The following ANKIB1 variants were observed in gnomAD, a reference collection of about 807,000 sequenced individuals.
The protein encoded by ANKIB1 is ankyrin repeat and IBR domain containing 1.
A neutral mutation model predicts 122.1 loss-of-function variants in ANKIB1; 43 were observed. The observed-to-expected ratio is 0.35, with a 90% CI of 0.28 to 0.45. The LOEUF (loss-of-function observed/expected upper bound fraction) is 0.45. Ranked by LOEUF, ANKIB1 falls within the 20% of genes least tolerant of loss-of-function variation. ANKIB1 has a pLI of 1.00. For synonymous variants in ANKIB1, 390 were observed against 442.0 expected, an observed-to-expected ratio of 0.88 and a Z score of 1.48; for missense variants, 992 against 1,329.5, an observed-to-expected ratio of 0.75 and a Z score of 3.95.
At chr7:92,287,762 G>A (rs913967980) in intron 1 of ANKIB1, among the ~76,000 whole-genome samples, 2 of 152,054 alleles carry the variant, frequency 1.3e-5, no homozygotes, top group African/African-American at 2.4e-5. Flanking sequence ...AAGGCCAGGC[G>A]TGGTGGCTCA....
At chr7:92,255,911 A>G (rs1238683141) in intron 1 of ANKIB1, among the ~76,000 whole-genome samples, 1 of 152,206 alleles carries the variant, frequency 6.6e-6, no homozygotes, top group South Asian at 2.1e-4. Context: ...TAACTATGGT[A>G]AACAAGGGGT....
chr7:92,292,460 C>A (rs1802269485), intron 1 of ANKIB1, among the ~76,000 whole-genome samples: 2 of 151,920 alleles, frequency 1.3e-5, no homozygotes. Flanking sequence ...TTCTTAGATA[C>A]AAATTATTTT....
rs1805006818 is a variant in ANKIB1 at position 92,401,346 on chromosome 7, T to C, written c.*2397T>C. The C allele has an allele frequency of 6.6e-6, 1 of 152,258 alleles. No individual in the cohort carries two copies. The highest frequency in any genetic ancestry group is 1.5e-5 in the Non-Finnish European group (1 of 68,046). The allele number at this position is 152,258 out of a possible 1,614,324, so 9.4% of individuals were successfully genotyped here. A position where few individuals can be genotyped will look rare whatever the true frequency, so the allele number is the denominator to read the frequency against. On this transcript the variant is annotated 3_prime_UTR_variant, in exon 20 of 20. Coordinates refer to ENST00000265742, the MANE Select transcript of ANKIB1 (RefSeq NM_019004.2). ...GGCCAAATGAATGCTGTTAATAATA[T>C]GTAAAATTCTTTGATTAAACATTTA...
chr7:92,357,732 C>CAAAAA (rs961949515), intron 9 of ANKIB1, among the ~76,000 whole-genome samples: 5 of 75,038 alleles, frequency 6.7e-5, no homozygotes, highest in African/African-American at 2.0e-4. Flanking sequence ...AAGACTCTCT[C>CAAAAA]AAAAAAAAAA....
intron 7 of ANKIB1, among the ~76,000 whole-genome samples, chr7:92,348,385 CTTTT>C (rs563453600): frequency 3.7e-5 from 5 of 134,454 alleles, no homozygotes; most frequent in Admixed American, 7.6e-5. Context: ...GTCTTTAAGA[CTTTT>C]TTTTTTTTTT....
intron 5 of ANKIB1, among the ~76,000 whole-genome samples, chr7:92,338,046 G>A (rs767545439): frequency 6.6e-6 from 1 of 152,062 alleles, no homozygotes; most frequent in Non-Finnish European, 1.5e-5. Context: ...TTTTGTGGGT[G>A]TAGTTTAGGC....
chr7:92,368,779 AT>A (rs1415068864), intron 10 of ANKIB1, among the ~76,000 whole-genome samples: 1 of 152,206 alleles, frequency 6.6e-6, no homozygotes, highest in Non-Finnish European at 1.5e-5. Flanking sequence ...TGTTCAGAGA[AT>A]AGGAAATAAA....
At chr7:92,348,587 C>T (rs1379744866) in intron 7 of ANKIB1, among the ~76,000 whole-genome samples, 4 of 151,970 alleles carry the variant, frequency 2.6e-5, no homozygotes, top group Admixed American at 1.3e-4. Context: ...GGTTTCACCA[C>T]GTTGGTCAGG....
rs1803591992 is a variant in ANKIB1 at position 92,348,566 on chromosome 7, A to C, written c.1086-2384A>C. ...ATGCCAAGCTAATTTTTGTATTTTT[A>C]GTAGAGATGAGGTTTCACCACGTTG... On this transcript the variant is annotated intron_variant, in intron 7 of 19. Coordinates refer to ENST00000265742, the MANE Select transcript of ANKIB1 (RefSeq NM_019004.2). Among the ~76,000 whole-genome samples, 7 of 152,126 alleles carry C rather than the reference A, an allele frequency of 4.6e-5. No homozygotes were observed. The South Asian group carries it at 1.5e-3, about 32-fold the overall frequency.
At chr7:92,308,367 GA>G (rs760143379) in intron 3 of ANKIB1, among the ~76,000 whole-genome samples, 4 of 151,982 alleles carry the variant, frequency 2.6e-5, no homozygotes, top group Non-Finnish European at 5.9e-5. Context: ...CTTTTTTGCT[GA>G]TTTTTTTGGT....
At chr7:92,270,323 A>G (rs1450374419) in intron 1 of ANKIB1, among the ~76,000 whole-genome samples, 3 of 152,008 alleles carry the variant, frequency 2.0e-5, no homozygotes, top group Non-Finnish European at 2.9e-5. Context: ...TCAGCCTCCC[A>G]AAGTGCTGGG....
rs759933131 is a variant in ANKIB1, at chr7:92,397,767, G to A, written c.2440G>A (p.Val814Met). The change falls in exon 19 of 20, where the codon GTG becomes ATG. Residue 814 changes from valine (V) to methionine (M), a missense_variant. Physicochemically the swap from Val to Met is conservative, Grantham distance 21. Around this residue, in one of 4 missense-constraint regions of ANKIB1, gnomAD observed 384 missense variants for 412.0 expected, o/e 0.93. Coordinates refer to ENST00000265742, the MANE Select transcript of ANKIB1 (RefSeq NM_019004.2). ...CAGCAGCCGCAGGCCTGGCACATCC[G>A]TGGTAAGTTCTGCATCTATGAGTGT... is the stretch of plus-strand genomic sequence containing the variant. The part of the protein sequence containing the change: ...GSSSRRPGTS[V>M]VSSASMSVLH... 21 of 1,610,952 alleles carry A rather than the reference G, an allele frequency of 1.3e-5. 1 individual carries two copies. The highest frequency in any genetic ancestry group is 3.3e-4 in the Middle Eastern group (2 of 6,072).
intron 6 of ANKIB1, among the ~76,000 whole-genome samples, chr7:92,344,097 A>G (rs919637471): frequency 5.9e-5 from 9 of 151,826 alleles, no homozygotes; most frequent in African/African-American, 2.2e-4. Flanking sequence ...TGTTTAGAAG[A>G]TACTAGGTAG....
chr7:92,358,669 A>G (rs762644696), intron 9 of ANKIB1, among the ~76,000 whole-genome samples: 6 of 151,134 alleles, frequency 4.0e-5, no homozygotes, highest in Admixed American at 3.3e-4. Context: ...TGATTCTGCC[A>G]GGAAATGGAT....
chr7:92,383,615 C>G (rs959801029), intron 11 of ANKIB1, among the ~76,000 whole-genome samples: 1 of 152,102 alleles, frequency 6.6e-6, no homozygotes, highest in African/African-American at 2.4e-5. Context: ...TAATCCATCA[C>G]ATAAACAGAA....
chr7:92,377,236 T>G (rs1208801765), intron 11 of ANKIB1, among the ~76,000 whole-genome samples: 1 of 152,068 alleles, frequency 6.6e-6, no homozygotes, highest in African/African-American at 2.4e-5. Context: ...TTAATATTGT[T>G]GTGTCTTAGG....
chr7:92,340,326 C>T (rs1008979577), intron 5 of ANKIB1, among the ~76,000 whole-genome samples: 1 of 152,132 alleles, frequency 6.6e-6, no homozygotes, highest in African/African-American at 2.4e-5. Context: ...AAAGAGAACA[C>T]GCTGTAAGCC....
chr7:92,343,565 C>T (rs888492590), intron 6 of ANKIB1, among the ~76,000 whole-genome samples: 2 of 152,132 alleles, frequency 1.3e-5, no homozygotes, highest in Non-Finnish European at 2.9e-5. Flanking sequence ...CAGTAAGTAG[C>T]TCATGCCTAT....
At chr7:92,342,270 G>T (rs951290736) in intron 5 of ANKIB1, among the ~76,000 whole-genome samples, 1 of 152,032 alleles carries the variant, frequency 6.6e-6, no homozygotes, top group East Asian at 1.9e-4. Flanking sequence ...TGATTTCTTC[G>T]CCTAAATAAT....
Sources: allele counts gnomAD v4.1 joint callset (sites outside exome capture counted in the v4.1 genomes callset), GRCh38; gene constraint gnomAD v4.1.1; regional missense constraint gnomAD v4.1.1; transcripts MANE v1.5; gene names NCBI Gene and HGNC (gene_info 2026-07-23, HGNC 2026-07-21).